GALNT14: variants seen among roughly 807,000 people sequenced by gnomAD.
The protein encoded by GALNT14 is UDP-GalNAc:polypeptide N-acetylgalactosaminyltransferase 14.
Under a neutral mutation model 77.5 loss-of-function variants are expected in GALNT14, and 60 were observed. The observed-to-expected ratio is 0.77, with a 90% CI of 0.63 to 0.96. The LOEUF is 0.96. Ranked by LOEUF, GALNT14 falls within the 40% of genes least tolerant of loss-of-function variation. GALNT14 has a pLI of 0.00. For missense variants in GALNT14, 710 were observed against 731.0 expected (o/e 0.97, Z 0.33); for synonymous variants, 280 against 281.7 (o/e 0.99, Z 0.06).
intron 1 of GALNT14, chr2:31,125,268 A>T (rs1238763198): frequency 1.3e-6 from 2 of 1,530,150 alleles, no homozygotes; most frequent in Non-Finnish European, 1.8e-6. Flanking sequence ...AAATGCCACA[A>T]GAAAGAAGAG....
chr2:31,076,612 CAT>C (rs59824499), intron 1 of GALNT14, among the ~76,000 whole-genome samples: 20,567 of 143,212 alleles, frequency 0.14, 1,765 homozygotes, highest in East Asian at 0.28. Flanking sequence ...GGTGTGTATA[CAT>C]ATATATATAT....
chr2:31,021,714 C>T (rs1334674928), intron 1 of GALNT14, among the ~76,000 whole-genome samples: 1 of 152,214 alleles, frequency 6.6e-6, no homozygotes, highest in Admixed American at 6.5e-5. Context: ...TAGTTGCAAT[C>T]ACTCTGCAGA....
Position 31,138,069 on chromosome 2 carries a change from A to T in GALNT14, c.18T>A (p.Arg6=). The change falls in exon 1 of 15, where the codon CGT becomes CGA. Residue 6 remains arginine (R), a synonymous_variant. Transcript: ENST00000349752. ...CCCCGAAGACTGGCAGAACCAGCCG[A>T]CGAGTCAGGCGCCGCATGGTCCCCT... MRRLT[R]RLVLPVFGVL... The T allele has an allele frequency of 1.2e-6, 2 of 1,613,672 alleles. No individual in the cohort carries two copies. The highest frequency in any genetic ancestry group is 1.7e-6 in the Non-Finnish European group (2 of 1,179,750).
chr2:31,036,434 G>C (rs1672742415), intron 1 of GALNT14, among the ~76,000 whole-genome samples: 1 of 152,076 alleles, frequency 6.6e-6, no homozygotes, highest in African/African-American at 2.4e-5. Flanking sequence ...TTTGTGTAGA[G>C]AACTGTCATA....
chr2:30,954,365 CTTTT>C (rs992329315), intron 6 of GALNT14, among the ~76,000 whole-genome samples: 7 of 152,178 alleles, frequency 4.6e-5, no homozygotes, highest in African/African-American at 1.4e-4. Context: ...TCTTCTTCCT[CTTTT>C]TTGTTTTTGA....
intron 1 of GALNT14, among the ~76,000 whole-genome samples, chr2:31,135,691 T>C (rs992615216): frequency 6.6e-6 from 1 of 152,172 alleles, no homozygotes. Context: ...CACAGTACAA[T>C]GTCCTGACTT....
At chr2:30,923,229 AT>A (rs2148228183) in intron 13 of GALNT14, among the ~76,000 whole-genome samples, 1 of 151,894 alleles carries the variant, frequency 6.6e-6, no homozygotes, top group South Asian at 2.1e-4. Context: ...TGCCCGGCTA[AT>A]TTTTTGTATT....
intron 14 of GALNT14, among the ~76,000 whole-genome samples, chr2:30,911,661 G>A (rs1401011578): frequency 6.6e-6 from 1 of 152,206 alleles, no homozygotes; most frequent in Non-Finnish European, 1.5e-5. Context: ...CAGAGAGGAG[G>A]AAATGGACAT....
chr2:31,076,684 C>T (rs888644859), intron 1 of GALNT14, among the ~76,000 whole-genome samples: 2 of 149,958 alleles, frequency 1.3e-5, no homozygotes, highest in African/African-American at 4.9e-5. Flanking sequence ...AAACTCAATC[C>T]ATTTGAAAAA....
At chr2:30,969,845 C>T (rs376268465) in intron 2 of GALNT14, among the ~76,000 whole-genome samples, 5 of 152,188 alleles carry the variant, frequency 3.3e-5, no homozygotes, top group Admixed American at 6.5e-5. Context: ...CTGCTAAATG[C>T]TCTCACAGCA....
intron 1 of GALNT14, among the ~76,000 whole-genome samples, chr2:30,994,196 C>T (rs1273234437): frequency 6.6e-6 from 1 of 152,188 alleles, no homozygotes; most frequent in African/African-American, 2.4e-5. Context: ...GGGTGGGATG[C>T]TCATTCATGT....
chr2:30,975,863 A>G (rs1668596286), intron 2 of GALNT14, among the ~76,000 whole-genome samples: 1 of 152,238 alleles, frequency 6.6e-6, no homozygotes, highest in Non-Finnish European at 1.5e-5. Flanking sequence ...ATTTACCATC[A>G]TCATCATTTC....
chr2:31,038,504 G>A (rs1467637640), intron 1 of GALNT14, among the ~76,000 whole-genome samples: 1 of 151,948 alleles, frequency 6.6e-6, no homozygotes, highest in Non-Finnish European at 1.5e-5. Context: ...TCTCCAGGGA[G>A]TTGCCAGACA....
chr2:31,028,521 G>C (rs550492921), intron 1 of GALNT14, among the ~76,000 whole-genome samples: 71 of 152,366 alleles, frequency 4.7e-4, no homozygotes, highest in African/African-American at 1.6e-3. Flanking sequence ...CTCCATCTCA[G>C]CTAGAGCCGC....
chr2:31,074,807 G>A (rs1355994167), intron 1 of GALNT14, among the ~76,000 whole-genome samples: 1 of 152,142 alleles, frequency 6.6e-6, no homozygotes, highest in Admixed American at 6.5e-5. Flanking sequence ...CCAGACTTAA[G>A]AGGTAGAGAC....
intron 9 of GALNT14, among the ~76,000 whole-genome samples, chr2:30,941,266 G>C (rs181387171): frequency 0.011 from 1,744 of 152,268 alleles, 25 homozygotes; most frequent in South Asian, 0.034. Context: ...TAGTTACAGA[G>C]GGCCTCCTAC....
intron 1 of GALNT14, among the ~76,000 whole-genome samples, chr2:31,096,997 C>A (rs1417657014): frequency 6.6e-6 from 1 of 152,090 alleles, no homozygotes; most frequent in Non-Finnish European, 1.5e-5. Flanking sequence ...TGCTTTGAGA[C>A]CACACATGAT....
intron 11 of GALNT14, among the ~76,000 whole-genome samples, chr2:30,928,683 C>T (rs1454850838): frequency 6.6e-6 from 1 of 152,108 alleles, no homozygotes; most frequent in Non-Finnish European, 1.5e-5. Flanking sequence ...GTGGCGTGAT[C>T]TCGGCTCACT....
chr2:30,939,923 C>T (rs1053889249), intron 9 of GALNT14, among the ~76,000 whole-genome samples: 3 of 152,070 alleles, frequency 2.0e-5, no homozygotes, highest in African/African-American at 7.2e-5. Flanking sequence ...CTTGTTATCC[C>T]CACCCGCAGA....
Sources: gnomAD v4.1 joint callset for allele counts (sites outside exome capture counted in the v4.1 genomes callset) on GRCh38, gnomAD v4.1.1 for gene constraint, MANE v1.5 for transcripts, NCBI Gene and HGNC (gene_info 2026-07-23, HGNC 2026-07-21) for gene names.